The following ASCC3 variants were observed in gnomAD, a reference collection of about 807,000 sequenced individuals.
ASCC3 encodes the protein activating signal cointegrator 1 complex subunit 3.
Under a neutral mutation model 256.3 loss-of-function variants are expected in ASCC3, and 158 were observed. That is an observed-to-expected ratio of 0.62 (90% CI 0.54 to 0.70). The LOEUF (loss-of-function observed/expected upper bound fraction) is 0.70. Among genes scored for constraint, ASCC3 ranks in the 30% least tolerant of loss-of-function variants. ASCC3 has a pLI of 0.00. For synonymous variants in ASCC3, 948 were observed against 883.4 expected, an observed-to-expected ratio of 1.07 and a Z score of -1.30; for missense variants, 2,259 against 2,626.0, an observed-to-expected ratio of 0.86 and a Z score of 3.05.
At chr6:100,605,800 A>G (rs1481652616) in intron 32 of ASCC3, 100 bp from the exon 33 acceptor site, 6 of 1,323,988 alleles carry the variant, frequency 4.5e-6, no homozygotes, top group Non-Finnish European at 6.4e-6. Flanking sequence ...AAATAACAAA[A>G]GAAATAGAAT....
At chr6:100,818,581 AAAAG>A in intron 4 of ASCC3, among the ~76,000 whole-genome samples, 1 of 150,266 alleles carries the variant, frequency 6.7e-6, no homozygotes, top group Non-Finnish European at 1.5e-5. Context: ...AAAAAAAAAA[AAAAG>A]AAGAAGAAAA....
intron 8 of ASCC3, among the ~76,000 whole-genome samples, chr6:100,779,761 G>A (rs1782360744): frequency 6.6e-6 from 1 of 152,220 alleles, no homozygotes; most frequent in African/African-American, 2.4e-5. Context: ...TAACATACTA[G>A]GGCAAGTATC....
In ASCC3 at chr6:100,657,239, AT is replaced by A. The variant is rs1392001042; in HGVS notation, c.2704-1422del. Among the ~76,000 whole-genome samples, 3 of 151,480 alleles carry A rather than the reference AT, an allele frequency of 2.0e-5. No homozygotes were observed. In the East Asian group the frequency reaches 5.8e-4, roughly 29 times the overall value. On this transcript the variant is annotated intron_variant, in intron 16 of 41. Coordinates refer to ENST00000369162, the MANE Select transcript of ASCC3 (RefSeq NM_006828.4). Reference sequence around the variant, plus strand: ...TCTGTCTACTAACTTTTAAATTTATATTACAAACGGCTAAGCCATCCATAAT... The same window carrying A: ...TCTGTCTACTAACTTTTAAATTTATATACAAACGGCTAAGCCATCCATAAT...
chr6:100,846,796 T>TA (rs1191760670), intron 4 of ASCC3, among the ~76,000 whole-genome samples: 3 of 152,170 alleles, frequency 2.0e-5, no homozygotes, highest in Non-Finnish European at 2.9e-5. Flanking sequence ...AACACCTCTA[T>TA]AAAATCTATG....
chr6:100,797,441 C>T (rs1473847019), intron 8 of ASCC3, among the ~76,000 whole-genome samples: 2 of 56,892 alleles, frequency 3.5e-5, no homozygotes, highest in Admixed American at 2.7e-4. Context: ...GCCTGGGCAA[C>T]AAGAGTGAAA....
chr6:100,641,264 T>C (rs1249627111), intron 24 of ASCC3, among the ~76,000 whole-genome samples: 31 of 152,194 alleles, frequency 2.0e-4, no homozygotes, highest in Non-Finnish European at 1.5e-5. Flanking sequence ...TATTGTATGA[T>C]GTTGAAGATT....
intron 36 of ASCC3, among the ~76,000 whole-genome samples, chr6:100,580,073 A>G (rs747985110): frequency 4.6e-5 from 7 of 151,868 alleles, no homozygotes; most frequent in Non-Finnish European, 1.0e-4. Context: ...TAGGTATTTT[A>G]TTCTTTTTGT....
intron 36 of ASCC3, among the ~76,000 whole-genome samples, chr6:100,555,080 T>C (rs1168008032): frequency 2.0e-5 from 3 of 151,734 alleles, no homozygotes; most frequent in South Asian, 2.1e-4. Context: ...GACCAGAAAA[T>C]TCACTGCAAG....
At chr6:100,821,571 A>C (rs1771045266) in intron 4 of ASCC3, among the ~76,000 whole-genome samples, 2 of 152,186 alleles carry the variant, frequency 1.3e-5, no homozygotes, top group Non-Finnish European at 2.9e-5. Flanking sequence ...CACGCCTATA[A>C]TCTCAGCACT....
chr6:100,745,602 A>G (rs543906822), intron 10 of ASCC3, among the ~76,000 whole-genome samples: 3 of 152,088 alleles, frequency 2.0e-5, no homozygotes, highest in South Asian at 4.2e-4. Context: ...TTCTTTAAGC[A>G]TATGTTTGCA....
chr6:100,544,641 T>G (rs986996210), intron 36 of ASCC3, among the ~76,000 whole-genome samples: 1 of 152,066 alleles, frequency 6.6e-6, no homozygotes, highest in Non-Finnish European at 1.5e-5. Flanking sequence ...CTGAAAATCT[T>G]TACATGTATT....
At chr6:100,729,651 T>C (rs1026058039) in intron 10 of ASCC3, among the ~76,000 whole-genome samples, 7 of 152,228 alleles carry the variant, frequency 4.6e-5, no homozygotes, top group African/African-American at 1.4e-4. Flanking sequence ...ACAAGTCATA[T>C]TGATATCATA....
intron 36 of ASCC3, among the ~76,000 whole-genome samples, chr6:100,568,599 A>T (rs1212242536): frequency 2.0e-5 from 3 of 151,300 alleles, no homozygotes; most frequent in Admixed American, 6.6e-5. Flanking sequence ...TGGATTCTAG[A>T]CCTTTCTTGG....
rs181790860 is a variant in ASCC3, at chr6:100,532,719, A to C, written c.5775+7444T>G. Among the ~76,000 whole-genome samples the C allele has an allele frequency of 2.0e-3, 308 of 152,142 alleles. 1 individual carries two copies. Among genetic ancestry groups the C allele is most frequent in the African/African-American group, 7.0e-3 (291 of 41,544 alleles). On this transcript the variant is annotated intron_variant, in intron 37 of 41. Coordinates refer to ENST00000369162, the MANE Select transcript of ASCC3 (RefSeq NM_006828.4). ...ATTTTAAGAAACAATGACACATTAA[A>C]ACTGCTTTTCATTTACATGATTTTG...
chr6:100,869,401 T>C (rs937795338), intron 1 of ASCC3, among the ~76,000 whole-genome samples: 3 of 152,204 alleles, frequency 2.0e-5, no homozygotes, highest in East Asian at 1.9e-4. Context: ...CTATGACCTA[T>C]ATATTAGAAT....
chr6:100,784,869 A>G (rs1286297803), intron 8 of ASCC3, among the ~76,000 whole-genome samples: 1 of 152,054 alleles, frequency 6.6e-6, no homozygotes, highest in East Asian at 1.9e-4. Context: ...TCATGTATTA[A>G]AACAACAATA....
intron 10 of ASCC3, among the ~76,000 whole-genome samples, chr6:100,758,663 A>C (rs1175624030): frequency 6.6e-6 from 1 of 152,082 alleles, no homozygotes; most frequent in East Asian, 1.9e-4. Context: ...TTGGTTTCCT[A>C]TCTTTGCTAT....
chr6:100,585,080 G>C (rs1771572794), intron 36 of ASCC3, among the ~76,000 whole-genome samples: 1 of 152,120 alleles, frequency 6.6e-6, no homozygotes, highest in Admixed American at 6.6e-5. Context: ...TTCTCGAGGA[G>C]TATCTTTGTG....
At chr6:100,801,373 G>C (rs1769908326) in intron 5 of ASCC3, among the ~76,000 whole-genome samples, 1 of 152,074 alleles carries the variant, frequency 6.6e-6, no homozygotes, top group Non-Finnish European at 1.5e-5. Context: ...AATGAGATTT[G>C]GTCCATACTC....
Sources: gnomAD v4.1 joint callset for allele counts (sites outside exome capture counted in the v4.1 genomes callset) on GRCh38, gnomAD v4.1.1 for gene constraint, MANE v1.5 for transcripts, NCBI Gene and HGNC (gene_info 2026-07-23, HGNC 2026-07-21) for gene names.